HECW2: variants seen among roughly 807,000 people sequenced by gnomAD.
HECW2 encodes E3 ubiquitin-protein ligase HECW2.
Under a neutral mutation model 175.2 loss-of-function variants are expected in HECW2, and 61 were observed. That is an observed-to-expected ratio of 0.35 (90% CI 0.28 to 0.43). The LOEUF is 0.43. Ranked by LOEUF, HECW2 falls within the 20% of genes least tolerant of loss-of-function variation. HECW2 has a pLI of 1.00. For missense variants in HECW2, 1,524 were observed against 2,000.5 expected, an observed-to-expected ratio of 0.76 and a Z score of 4.54; for synonymous variants, 671 against 731.0, an observed-to-expected ratio of 0.92 and a Z score of 1.32.
rs1003508143 is a variant in HECW2 at position 196,491,417 on chromosome 2, C to T, written c.-35-57959G>A. The stretch of plus-strand genomic sequence containing the variant: ...ACACACACACACACACGTGTGTATG[C>T]ATATATTGTGTGTATATACACACAT... On this transcript the variant is annotated intron_variant, in intron 1 of 28. Coordinates refer to ENST00000644978, the MANE Select transcript of HECW2 (RefSeq NM_001348768.2). 6.8e-4 allele frequency among the ~76,000 whole-genome samples: 85 copies of T among 125,688 alleles called. No individual in the cohort carries two copies. In the East Asian group the frequency reaches 0.011, roughly 17 times the overall value. The allele number at this position is 125,688 out of a possible 152,430, so 82.5% of individuals were successfully genotyped here. A position where few individuals can be genotyped will look rare whatever the true frequency, so the allele number is the denominator to read the frequency against.
chr2:196,403,454 AC>A (rs1388070815), intron 2 of HECW2, among the ~76,000 whole-genome samples: 1 of 152,226 alleles, frequency 6.6e-6, no homozygotes, highest in Non-Finnish European at 1.5e-5. Context: ...TATGAGAGAT[AC>A]AGTAAACACA....
At chr2:196,300,845 A>C (rs1347638911) in intron 13 of HECW2, among the ~76,000 whole-genome samples, 1 of 145,082 alleles carries the variant, frequency 6.9e-6, no homozygotes, top group Non-Finnish European at 1.5e-5. Flanking sequence ...ACTCATGAAC[A>C]CTACCATGCA....
intron 3 of HECW2, among the ~76,000 whole-genome samples, chr2:196,338,621 C>T (rs1197319912): frequency 1.3e-5 from 2 of 152,118 alleles, no homozygotes; most frequent in African/African-American, 2.4e-5. Flanking sequence ...AATAGCTACA[C>T]GATTCACTCA....
At chr2:196,473,967 G>C (rs1456232943) in intron 1 of HECW2, among the ~76,000 whole-genome samples, 1 of 152,164 alleles carries the variant, frequency 6.6e-6, no homozygotes, top group Non-Finnish European at 1.5e-5. Context: ...ACAATGCAGC[G>C]AGAATTTTTC....
intron 1 of HECW2, among the ~76,000 whole-genome samples, chr2:196,572,285 C>T (rs554206346): frequency 1.3e-5 from 2 of 152,180 alleles, no homozygotes; most frequent in African/African-American, 2.4e-5. Flanking sequence ...TGGACTCAAG[C>T]GATCTTCCCA....
In HECW2 at chr2:196,379,372, A is replaced by C. The variant is rs75641362; in HGVS notation, c.293-35608T>G. Among the ~76,000 whole-genome samples the C allele has an allele frequency of 3.9e-3, 599 of 152,270 alleles. 5 individuals carry two copies. Among genetic ancestry groups the C allele is most frequent in the African/African-American group, 0.014 (565 of 41,570 alleles). On this transcript the variant is annotated intron_variant, in intron 2 of 28. Coordinates refer to ENST00000644978, the MANE Select transcript of HECW2 (RefSeq NM_001348768.2). ...CAGGTCTACACATACGTAAATGTTC[A>C]TTACACAGTACACTTAAGATTATGG...
intron 2 of HECW2, among the ~76,000 whole-genome samples, chr2:196,345,648 C>T (rs948341934): frequency 5.3e-5 from 8 of 152,150 alleles, no homozygotes; most frequent in African/African-American, 1.9e-4. Context: ...AAAAAAAAAT[C>T]CCATTTGGTT....
chr2:196,274,194 G>C, intron 15 of HECW2, 71 bp from the exon 16 acceptor site: 1 of 1,111,732 alleles, frequency 9.0e-7, no homozygotes, highest in Non-Finnish European at 1.4e-6. Flanking sequence ...CCCAAACCAA[G>C]TTGTTCAAAA....
chr2:196,266,230 C>A (rs1689511821), intron 17 of HECW2, among the ~76,000 whole-genome samples: 1 of 151,348 alleles, frequency 6.6e-6, no homozygotes, highest in East Asian at 1.9e-4. Flanking sequence ...TCCTGTAGTC[C>A]CAGCTACTTG....
intron 2 of HECW2, among the ~76,000 whole-genome samples, chr2:196,382,774 A>C (rs1694243568): frequency 3.5e-5 from 3 of 86,680 alleles, no homozygotes; most frequent in Admixed American, 2.8e-4. Context: ...GCTTTACATG[A>C]ATGTTCTAAA....
intron 1 of HECW2, among the ~76,000 whole-genome samples, chr2:196,566,699 A>ATTTTTTTTTTTTTTTTTTTTTTTT: frequency 1.1e-5 from 1 of 94,206 alleles, no homozygotes; most frequent in Non-Finnish European, 2.0e-5. Flanking sequence ...CACCCAGCTA[A>ATTTTTTTTTTTTTTTTTTTTTTTT]TTTTTTTTTT....
chr2:196,497,074 C>G (rs1181668760), intron 1 of HECW2, among the ~76,000 whole-genome samples: 2 of 152,026 alleles, frequency 1.3e-5, no homozygotes, highest in African/African-American at 4.8e-5. Flanking sequence ...TTTTCAGGAG[C>G]CCAAAGGAGG....
chr2:196,204,119 GT>G (rs893433049), intron 28 of HECW2, among the ~76,000 whole-genome samples: 2 of 152,222 alleles, frequency 1.3e-5, no homozygotes, highest in Admixed American at 6.5e-5. Context: ...ATGAACAGGA[GT>G]TTTTTTCCTA....
At chr2:196,407,122 A>C (rs954095967) in intron 2 of HECW2, among the ~76,000 whole-genome samples, 1 of 152,206 alleles carries the variant, frequency 6.6e-6, no homozygotes, top group African/African-American at 2.4e-5. Flanking sequence ...TAGTCAAAGA[A>C]TACGAGCTTT....
At position 196,209,619 on chromosome 2, in the gene HECW2, C is replaced by T. The variant is rs531219433; in HGVS notation, c.4607+6246G>A. On this transcript the variant is annotated intron_variant, in intron 28 of 28. Transcript: ENST00000644978. ...AATCTCCTGTCAATTCTCTCCCACA[C>T]GAAAAGCCACATCAGCTCATCAGCA... is the stretch of plus-strand genomic sequence containing the variant. Among the ~76,000 whole-genome samples the T allele has an allele frequency of 1.4e-4, 22 of 152,288 alleles. 1 individual carries two copies. Among genetic ancestry groups the T allele is most frequent in the African/African-American group, 4.1e-4 (17 of 41,546 alleles).
At chr2:196,228,067 C>T (rs747551160) in intron 22 of HECW2, 35 bp downstream of exon 22, 4 of 1,484,950 alleles carry the variant, frequency 2.7e-6, no homozygotes, top group Admixed American at 2.3e-5. Flanking sequence ...CATAGGAAAT[C>T]GCCTGAAGAA....
chr2:196,476,550 A>C (rs935268907), intron 1 of HECW2, among the ~76,000 whole-genome samples: 2 of 152,204 alleles, frequency 1.3e-5, no homozygotes, highest in African/African-American at 4.8e-5. Context: ...GCAGAAAGTT[A>C]TCTCTCAATA....
chr2:196,247,399 T>C (rs1040452781), intron 19 of HECW2, among the ~76,000 whole-genome samples: 9 of 152,204 alleles, frequency 5.9e-5, no homozygotes, highest in African/African-American at 2.2e-4. Context: ...TCTTGGAAGA[T>C]TGCGCTAATA....
chr2:196,313,615 G>A (rs924602524), intron 10 of HECW2, among the ~76,000 whole-genome samples: 7 of 152,148 alleles, frequency 4.6e-5, no homozygotes, highest in Non-Finnish European at 8.8e-5. Flanking sequence ...ATCAAACTTA[G>A]TACTAAGTCC....
Sources: allele counts gnomAD v4.1 joint callset (sites outside exome capture counted in the v4.1 genomes callset), GRCh38; gene constraint gnomAD v4.1.1; transcripts MANE v1.5; gene names NCBI Gene and HGNC (gene_info 2026-07-23, HGNC 2026-07-21).